RAD21L1: variants seen among roughly 807,000 people sequenced by gnomAD.
RAD21L1 encodes the protein double-strand-break repair protein rad21-like protein 1.
Under a neutral mutation model 69.0 loss-of-function variants are expected in RAD21L1, and 47 were observed. The ratio of observed to expected loss-of-function variants is 0.68; its 90% CI spans 0.54 to 0.87. The LOEUF (loss-of-function observed/expected upper bound fraction) is 0.87, where lower values mean the gene tolerates loss of function less well. Ranked by LOEUF, RAD21L1 falls within the 40% of genes least tolerant of loss-of-function variation. The pLI, the probability that RAD21L1 is intolerant of heterozygous loss-of-function variation, is 0.00. For synonymous variants in RAD21L1, 177 were observed against 205.8 expected (o/e 0.86, Z 1.20); for missense variants, 583 against 647.6 (o/e 0.90, Z 1.08).
At chr20:1,229,753 C>A in intron 2 of RAD21L1, 127 bp from the exon 3 acceptor site, 3 of 681,506 alleles carry the variant, frequency 4.4e-6, no homozygotes, top group Non-Finnish European at 7.0e-6. Context: ...AAGTGATATA[C>A]TTTAACTAAG....
Position 1,238,032 on chromosome 20 carries a change from A to T in RAD21L1, c.476-12A>T, listed in dbSNP as rs913756240. ...TTCTATGAATTAGTATTAATGATAT[A>T]TATTTATTTAGGGGAGGAATCTGAA... is the stretch of plus-strand genomic sequence containing the variant. On this transcript the variant is annotated splice_polypyrimidine_tract_variant and intron_variant, in intron 5 of 13. Transcript: ENST00000683101. 2.1e-6 allele frequency: 3 copies of T among 1,398,758 alleles called. No individual in the cohort carries two copies. Among genetic ancestry groups the T allele is most frequent in the Non-Finnish European group, 2.9e-6 (3 of 1,024,164 alleles). The allele number at this position is 1,398,758 out of a possible 1,614,324, so 86.6% of individuals were successfully genotyped here. A position where few individuals can be genotyped will look rare whatever the true frequency, so the allele number is the denominator to read the frequency against.
intron 13 of RAD21L1, 72 bp from the exon 14 acceptor site, chr20:1,254,197 G>A (rs1197096278): frequency 8.2e-6 from 8 of 980,018 alleles, no homozygotes; most frequent in South Asian, 4.2e-5. Context: ...TGTTTATTAC[G>A]CATTTATAGC....
At position 1,226,718 on chromosome 20, in the gene RAD21L1, T is replaced by C. The variant is rs150311247; in HGVS notation, c.-33+578T>C. ...TTCACGTTGCACGAAGTCAGTTCAA[T>C]CTGGAGACTGAAAAAGCCTCCGGGA... On this transcript the variant is annotated intron_variant, in intron 1 of 13. Transcript: ENST00000683101. Among the ~76,000 whole-genome samples the C allele has an allele frequency of 4.6e-3, 705 of 152,126 alleles. 12 individuals are homozygous for C. Among genetic ancestry groups the C allele is most frequent in the African/African-American group, 0.016 (660 of 41,530 alleles).
chr20:1,234,227 A>C (rs1370453880), intron 5 of RAD21L1, 36 bp downstream of exon 5: 4 of 922,006 alleles, frequency 4.3e-6, no homozygotes, highest in Non-Finnish European at 6.9e-6. Context: ...TACAAATTAT[A>C]ATCAATTATA....
At chr20:1,233,800 T>C (rs947246689) in intron 4 of RAD21L1, among the ~76,000 whole-genome samples, 4 of 152,114 alleles carry the variant, frequency 2.6e-5, no homozygotes, top group Non-Finnish European at 4.4e-5. Flanking sequence ...TTTCAAAATA[T>C]GCATTTGAGG....
At chr20:1,242,078 T>A (rs529304367) in intron 8 of RAD21L1, among the ~76,000 whole-genome samples, 1 of 152,192 alleles carries the variant, frequency 6.6e-6, no homozygotes, top group Non-Finnish European at 1.5e-5. Flanking sequence ...CTTCCCCACC[T>A]TTCCTCAGTT....
At position 1,231,510 on chromosome 20, in the gene RAD21L1, T is replaced by C. The variant is rs964862987; in HGVS notation, c.275-16T>C. ...AGCATTGTTGCTTATTGAGTATGGT[T>C]TTTGATCCTTTTCAGGACTGGTTGA... On this transcript the variant is annotated splice_polypyrimidine_tract_variant and intron_variant, in intron 3 of 13. Transcript: ENST00000683101. 4 of 1,360,664 alleles carry C rather than the reference T, an allele frequency of 2.9e-6. No homozygotes were observed. The highest frequency in any genetic ancestry group is 4.1e-6 in the Non-Finnish European group (4 of 979,144). 84.3% of individuals were successfully genotyped at this position (1,360,664 alleles called of 1,614,324 possible). A position where few individuals can be genotyped will look rare whatever the true frequency, so the allele number is the denominator to read the frequency against.
chr20:1,241,239 A>G (rs1006742737), intron 8 of RAD21L1, among the ~76,000 whole-genome samples: 16 of 152,264 alleles, frequency 1.1e-4, no homozygotes, highest in African/African-American at 3.9e-4. Flanking sequence ...CTTAGAAAAC[A>G]ATCTAGTCAG....
chr20:1,226,095 C>G lies in RAD21L1; in HGVS notation c.-78C>G. 6.7e-6 allele frequency: 1 copy of G among 149,890 alleles called. No homozygotes were observed. The highest frequency in any genetic ancestry group is 6.6e-5 in the Admixed American group (1 of 15,118). 9.3% of individuals were successfully genotyped at this position (149,890 alleles called of 1,614,324 possible). A position where few individuals can be genotyped will look rare whatever the true frequency, so the allele number is the denominator to read the frequency against. On this transcript the variant is annotated 5_prime_UTR_variant, in exon 1 of 14. Transcript: ENST00000683101. ...CGGCCAAGCTGACTTGGCGACTCCT[C>G]GCAGCCCCTGCTCTGGCACGCCACA...
rs953092223 is a variant in RAD21L1 at position 1,255,664 on chromosome 20, A to T, written c.*1207A>T. On this transcript the variant is annotated 3_prime_UTR_variant, in exon 14 of 14. Transcript: ENST00000683101. Reference sequence around the variant, plus strand: ...TTTTAACATATTTGTAGAGTCCTGTAACCATCTCCACAATTAGGATTCCAG... The same window carrying T: ...TTTTAACATATTTGTAGAGTCCTGTTACCATCTCCACAATTAGGATTCCAG... Among the ~76,000 whole-genome samples the T allele has an allele frequency of 3.3e-5, 5 of 152,202 alleles. No individual in the cohort carries two copies. The highest frequency in any genetic ancestry group is 1.2e-4 in the African/African-American group (5 of 41,454).
chr20:1,241,736 G>T (rs1052425158), intron 8 of RAD21L1, among the ~76,000 whole-genome samples: 3 of 152,150 alleles, frequency 2.0e-5, no homozygotes, highest in Non-Finnish European at 2.9e-5. Flanking sequence ...CCAGTATCTT[G>T]TCTTGTTCCT....
intron 13 of RAD21L1, among the ~76,000 whole-genome samples, chr20:1,251,101 C>T (rs1040534909): frequency 6.6e-5 from 10 of 152,114 alleles, no homozygotes; most frequent in East Asian, 3.8e-4. Context: ...AAAGAGTTCA[C>T]GAGAGATACA....
At chr20:1,230,042 G>C in intron 3 of RAD21L1, 33 bp downstream of exon 3, 1 of 1,500,660 alleles carries the variant, frequency 6.7e-7, no homozygotes, top group Non-Finnish European at 9.0e-7. Context: ...TCTCCTTCTT[G>C]GTTCCCTTTT....
Position 1,255,005 on chromosome 20 carries a change from A to G in RAD21L1, c.*548A>G, listed in dbSNP as rs116195860. Among the ~76,000 whole-genome samples the G allele has an allele frequency of 2.8e-3, 434 of 152,302 alleles. 4 individuals carry two copies. The highest frequency in any genetic ancestry group is 9.9e-3 in the African/African-American group (410 of 41,546). ...TATTTACTTGAATTTTATGGGGTTA[A>G]TGAAAACATCATTATTTCTACACAG... On this transcript the variant is annotated 3_prime_UTR_variant, in exon 14 of 14. Coordinates refer to ENST00000683101, the MANE Select transcript of RAD21L1 (RefSeq NM_001384355.1).
intron 4 of RAD21L1, among the ~76,000 whole-genome samples, chr20:1,233,664 T>C (rs2087438666): frequency 6.6e-6 from 1 of 152,136 alleles, no homozygotes; most frequent in Non-Finnish European, 1.5e-5. Context: ...TCTCACATGG[T>C]AGATTGAGGC....
intron 13 of RAD21L1, among the ~76,000 whole-genome samples, chr20:1,252,142 T>C (rs2122171942): frequency 6.6e-6 from 1 of 152,360 alleles, no homozygotes; most frequent in South Asian, 2.1e-4. Context: ...GTTGCACTTC[T>C]GCTCCCTGCA....
intron 4 of RAD21L1, 145 bp from the exon 5 acceptor site, chr20:1,233,940 C>T (rs2087444812): frequency 2.0e-6 from 1 of 490,326 alleles, no homozygotes; most frequent in Non-Finnish European, 3.7e-6. Context: ...TATTTATATA[C>T]ATGTATATAT....
At chr20:1,227,851 A>G (rs968942611) in intron 1 of RAD21L1, among the ~76,000 whole-genome samples, 14 of 152,098 alleles carry the variant, frequency 9.2e-5, no homozygotes, top group Admixed American at 4.6e-4. Flanking sequence ...ACTTTATGGA[A>G]TGGAAACTCC....
chr20:1,239,263 A>G, intron 6 of RAD21L1, 49 bp from the exon 7 acceptor site: 1 of 1,010,284 alleles, frequency 9.9e-7, no homozygotes. Flanking sequence ...TTAGTGAACA[A>G]ATGACAGATT....
Sources: allele counts gnomAD v4.1 joint callset (sites outside exome capture counted in the v4.1 genomes callset), GRCh38; gene constraint gnomAD v4.1.1; transcripts MANE v1.5; gene names NCBI Gene and HGNC (gene_info 2026-07-23, HGNC 2026-07-21).